PLEKHA8: variants seen among roughly 807,000 people sequenced by gnomAD.
PLEKHA8 encodes the protein pleckstrin homology domain containing A8.
In PLEKHA8, 36 loss-of-function variants were observed where a neutral mutation model predicts 68.2. That is an observed-to-expected ratio of 0.53 (90% confidence interval 0.40 to 0.70). PLEKHA8 has a LOEUF of 0.70. Among genes scored for constraint, PLEKHA8 ranks in the 30% least tolerant of loss-of-function variants. PLEKHA8 has a pLI of 0.00. For missense variants in PLEKHA8, 505 were observed against 615.4 expected, an observed-to-expected ratio of 0.82 and a Z score of 1.90; for synonymous variants, 211 against 216.1, an observed-to-expected ratio of 0.98 and a Z score of 0.20.
At position 30,062,741 on chromosome 7, in the gene PLEKHA8, A is replaced by C. The variant is rs1793541329; in HGVS notation, c.1299A>C (p.Leu433=). The part of the protein sequence containing the change: ...KNGEKDIQTA[L]NNAYGKTLRQ... ...GGGAGAAGGATATCCAGACAGCCCT[A>C]AGTAAGTGTTCTTTATGTTTTGTTG... Residue 433 remains leucine (L), a splice_region_variant and synonymous_variant, in exon 12 of 14, where the codon CTA becomes CTC. Coordinates refer to ENST00000449726, the MANE Select transcript of PLEKHA8 (RefSeq NM_001197026.2). 1.2e-6 allele frequency: 2 copies of C among 1,611,538 alleles called. No homozygotes were observed. The highest frequency in any genetic ancestry group is 4.5e-5 in the East Asian group (2 of 44,834).
At chr7:30,112,585 C>T (rs979721069) in intron 13 of PLEKHA8, among the ~76,000 whole-genome samples, 5 of 151,948 alleles carry the variant, frequency 3.3e-5, no homozygotes, top group Admixed American at 1.3e-4. Flanking sequence ...CACGGTGGCT[C>T]ATGCCTGTAG....
chr7:30,114,380 A>T (rs147006790), intron 13 of PLEKHA8, among the ~76,000 whole-genome samples: 24 of 152,356 alleles, frequency 1.6e-4, no homozygotes, highest in Middle Eastern at 3.4e-3. Context: ...TAAGTGACAC[A>T]CCCAAGGTCA....
chr7:30,046,400 G>A, intron 3 of PLEKHA8, 35 bp downstream of exon 3: 1 of 1,531,284 alleles, frequency 6.5e-7, no homozygotes, highest in Non-Finnish European at 8.8e-7. Context: ...TGGAAACCTT[G>A]GGAATCACCC....
At chr7:30,052,642 A>AAAAAAAAAAG (rs1792512993) in intron 6 of PLEKHA8, 67 bp from the exon 7 acceptor site, 1 of 227,890 alleles carries the variant, frequency 4.4e-6, no homozygotes, top group Admixed American at 8.5e-5. Flanking sequence ...CCCTGTTTCA[A>AAAAAAAAAAG]AAAAAAAAAA....
intron 12 of PLEKHA8, chr7:30,090,014 A>T: frequency 1.3e-6 from 1 of 761,158 alleles, no homozygotes; most frequent in Non-Finnish European, 2.0e-6. Context: ...ATGTAGGAGT[A>T]TCGAGATATT....
chr7:30,061,196 A>G (rs1005220554), intron 10 of PLEKHA8, among the ~76,000 whole-genome samples: 5 of 152,108 alleles, frequency 3.3e-5, no homozygotes, highest in African/African-American at 1.2e-4. Flanking sequence ...TTTCATGTGC[A>G]CCGTGTGGAT....
chr7:30,090,254 A>G, exon 13 of PLEKHA8: 1 of 1,520,228 alleles, frequency 6.6e-7, no homozygotes, highest in Non-Finnish European at 8.9e-7. Flanking sequence ...AGAAAAAGCA[A>G]GTCACCAAGG....
At chr7:30,078,227 C>T (rs1275422332) in intron 13 of PLEKHA8, among the ~76,000 whole-genome samples, 1 of 152,110 alleles carries the variant, frequency 6.6e-6, no homozygotes, top group Admixed American at 6.6e-5. Flanking sequence ...GAATAAAGAC[C>T]ATGATGGCAA....
At chr7:30,043,434 G>A (rs1367588054) in intron 1 of PLEKHA8, among the ~76,000 whole-genome samples, 2 of 152,162 alleles carry the variant, frequency 1.3e-5, no homozygotes, top group Non-Finnish European at 2.9e-5. Flanking sequence ...TGGGAAGGAA[G>A]TCCTCCATAT....
Position 30,115,878 on chromosome 7 carries a change from A to G in PLEKHA8, c.1363-13388A>G, listed in dbSNP as rs1382325111. ...TACATACGTGCACATACATGTAGGC[A>G]CGCATACATGCGTATACATGCATGT... is the stretch of plus-strand genomic sequence containing the variant. On this transcript the variant is annotated intron_variant, in intron 13 of 13. Coordinates refer to the PLEKHA8 transcript ENST00000396257. 3.2e-4 allele frequency: 47 copies of G among 144,690 alleles called. 3 individuals are homozygous for G. Among genetic ancestry groups the G allele is most frequent in the Non-Finnish European group, 5.8e-4 (38 of 65,082 alleles). The allele number at this position is 144,690 out of a possible 1,614,324, so 9.0% of individuals were successfully genotyped here. A position where few individuals can be genotyped will look rare whatever the true frequency, so the allele number is the denominator to read the frequency against.
rs746084950 is a variant in PLEKHA8 at position 30,079,409 on chromosome 7, G to A, written c.*622G>A. The A allele has an allele frequency of 8.1e-6, 8 of 985,606 alleles. No individual in the cohort carries two copies. The highest frequency in any genetic ancestry group is 4.7e-5 in the South Asian group (1 of 21,278). 61.1% of individuals were successfully genotyped at this position (985,606 alleles called of 1,614,324 possible). A position where few individuals can be genotyped will look rare whatever the true frequency, so the allele number is the denominator to read the frequency against. ...CATCCTTGCTGACAGGCATGAAACC[G>A]TTGCTCTGAGAAGATTAATGGTGTG... On this transcript the variant is annotated 3_prime_UTR_variant, in exon 14 of 14. Coordinates refer to ENST00000449726, the MANE Select transcript of PLEKHA8 (RefSeq NM_001197026.2).
intron 8 of PLEKHA8, 69 bp downstream of exon 8, chr7:30,054,934 G>GTTCC: frequency 7.0e-7 from 1 of 1,424,126 alleles, no homozygotes; most frequent in Non-Finnish European, 9.6e-7. Context: ...CAGTCATGGT[G>GTTCC]TTCCTTTCAG....
intron 1 of PLEKHA8, among the ~76,000 whole-genome samples, chr7:30,044,032 ATTTT>A (rs199681554): frequency 2.2e-5 from 3 of 135,060 alleles, no homozygotes; most frequent in Admixed American, 7.4e-5. Context: ...GTCAGGGATG[ATTTT>A]TTTTTTTTTT....
intron 6 of PLEKHA8, among the ~76,000 whole-genome samples, chr7:30,052,459 A>T (rs369259905): frequency 6.6e-6 from 1 of 152,024 alleles, no homozygotes; most frequent in African/African-American, 2.4e-5. Context: ...CAACATAGTG[A>T]CACCCCATCT....
rs1162161688 is a variant in PLEKHA8 at position 30,041,418 on chromosome 7, CATT to C, written c.41-3666_41-3664del. On this transcript the variant is annotated intron_variant, in intron 1 of 13. Coordinates refer to ENST00000449726, the MANE Select transcript of PLEKHA8 (RefSeq NM_001197026.2). Reference sequence around the variant, plus strand: ...AGTTGCTATTATAATTTACCAGCTACATTTTTTTTTTTTTTTTTTTTGAGACAA... The same window carrying C: ...AGTTGCTATTATAATTTACCAGCTACTTTTTTTTTTTTTTTTTTGAGACAA... 8.1e-5 allele frequency among the ~76,000 whole-genome samples: 9 copies of C among 111,616 alleles called. No individual in the cohort carries two copies. In the East Asian group the frequency reaches 2.6e-3, roughly 33 times the overall value. The allele number at this position is 111,616 out of a possible 152,430, so 73.2% of individuals were successfully genotyped here. A position where few individuals can be genotyped will look rare whatever the true frequency, so the allele number is the denominator to read the frequency against.
intron 13 of PLEKHA8, among the ~76,000 whole-genome samples, chr7:30,110,910 GTT>G (rs563375100): frequency 5.8e-5 from 8 of 136,918 alleles, no homozygotes; most frequent in Admixed American, 7.3e-5. Flanking sequence ...TTTTGAGGTT[GTT>G]TTTTTTTTTT....
At chr7:30,041,421 T>C (rs1791526000) in intron 1 of PLEKHA8, among the ~76,000 whole-genome samples, 1 of 25,346 alleles carries the variant, frequency 3.9e-5, no homozygotes, top group Admixed American at 4.2e-4. Context: ...CCAGCTACAT[T>C]TTTTTTTTTT....
At chr7:30,053,583 G>A (rs1562866893) in intron 7 of PLEKHA8, among the ~76,000 whole-genome samples, 1 of 152,162 alleles carries the variant, frequency 6.6e-6, no homozygotes, top group Non-Finnish European at 1.5e-5. Context: ...CACATCATTG[G>A]AGCCTTATCT....
chr7:30,083,377 A>T lies in PLEKHA8; in HGVS notation c.*4590A>T. 1 of 983,968 alleles carries T rather than the reference A, an allele frequency of 1.0e-6. No homozygotes were observed. Among genetic ancestry groups the T allele is most frequent in the Non-Finnish European group, 1.2e-6 (1 of 828,616 alleles). The allele number at this position is 983,968 out of a possible 1,614,324, so 61.0% of individuals were successfully genotyped here. ...TGGTATTTTAAGACTGTTTATCTGT[A>T]TCACAACGTCATTAGGAGTTCTTTC... On this transcript the variant is annotated 3_prime_UTR_variant, in exon 14 of 14. Coordinates refer to ENST00000449726, the MANE Select transcript of PLEKHA8 (RefSeq NM_001197026.2).
Sources: allele counts gnomAD v4.1 joint callset (sites outside exome capture counted in the v4.1 genomes callset), GRCh38; gene constraint gnomAD v4.1.1; transcripts MANE v1.5; gene names NCBI Gene and HGNC (gene_info 2026-07-23, HGNC 2026-07-21).